The following TAFA4 variants were observed in gnomAD, a reference collection of about 807,000 sequenced individuals.
TAFA4 encodes TAFA chemokine like family member 4.
A neutral mutation model predicts 21.1 loss-of-function variants in TAFA4; 20 were observed. The observed-to-expected ratio is 0.95, with a 90% CI of 0.67 to 1.38. The LOEUF (loss-of-function observed/expected upper bound fraction) is 1.38, where lower values mean the gene tolerates loss of function less well. TAFA4 is among the 40% of genes most tolerant of loss of function. TAFA4 has a pLI of 0.00. For missense variants in TAFA4, 211 were observed against 180.9 expected, an observed-to-expected ratio of 1.17 and a Z score of -0.95; for synonymous variants, 71 against 67.4, an observed-to-expected ratio of 1.05 and a Z score of -0.26.
chr3:68,802,022 C>G (rs1273515006), intron 3 of TAFA4, among the ~76,000 whole-genome samples: 1 of 152,024 alleles, frequency 6.6e-6, no homozygotes, highest in Admixed American at 6.5e-5. Flanking sequence ...ATTTTTCTTC[C>G]AAGTAAATGC....
chr3:68,896,603 T>C (rs1411139858), intron 1 of TAFA4, among the ~76,000 whole-genome samples: 3 of 152,162 alleles, frequency 2.0e-5, no homozygotes, highest in Non-Finnish European at 4.4e-5. Flanking sequence ...AATACTGACA[T>C]AGATGGCCTC....
At chr3:68,843,561 A>G (rs1209502940) in intron 3 of TAFA4, among the ~76,000 whole-genome samples, 3 of 152,212 alleles carry the variant, frequency 2.0e-5, no homozygotes, top group African/African-American at 7.2e-5. Context: ...TATGTTGAAT[A>G]GGAGTGGTGA....
intron 1 of TAFA4, among the ~76,000 whole-genome samples, chr3:68,888,659 T>C (rs770272878): frequency 1.3e-5 from 2 of 152,266 alleles, no homozygotes; most frequent in African/African-American, 2.4e-5. Flanking sequence ...GGAAGTCTAA[T>C]ATCAAGGTGC....
chr3:68,777,482 A>C (rs1703069066), intron 3 of TAFA4, among the ~76,000 whole-genome samples: 1 of 152,152 alleles, frequency 6.6e-6, no homozygotes, highest in Non-Finnish European at 1.5e-5. Flanking sequence ...ATTTAACTGT[A>C]AATTAATTAA....
intron 1 of TAFA4, among the ~76,000 whole-genome samples, chr3:68,925,308 G>A (rs1023894393): frequency 6.6e-6 from 1 of 152,204 alleles, no homozygotes; most frequent in African/African-American, 2.4e-5. Context: ...AATCAGTTCT[G>A]AAGGCAGAGA....
In TAFA4 at chr3:68,921,353, A is replaced by AT. The variant is rs1313967578; in HGVS notation, c.-123+10886dup. On this transcript the variant is annotated intron_variant, in intron 1 of 5. Coordinates refer to ENST00000295569, the MANE Select transcript of TAFA4 (RefSeq NM_182522.5). ...CTCCAAAATATTTCACAAACTTCCAATTTTTTTAAACAAGTGAAGAAAAAA... is the reference window on the plus strand; with the variant it reads ...CTCCAAAATATTTCACAAACTTCCAATTTTTTTTAAACAAGTGAAGAAAAAA... 2.0e-5 allele frequency among the ~76,000 whole-genome samples: 3 copies of AT among 152,090 alleles called. No individual in the cohort carries two copies. The East Asian group carries it at 5.8e-4, about 29-fold the overall frequency.
intron 3 of TAFA4, among the ~76,000 whole-genome samples, chr3:68,804,557 A>G (rs1196189829): frequency 6.6e-6 from 1 of 152,234 alleles, no homozygotes; most frequent in Non-Finnish European, 1.5e-5. Context: ...AAACTATACT[A>G]CAAGGCTATA....
chr3:68,760,939 A>G (rs1228718146), intron 3 of TAFA4, among the ~76,000 whole-genome samples: 3 of 152,192 alleles, frequency 2.0e-5, no homozygotes, highest in Non-Finnish European at 4.4e-5. Flanking sequence ...GGTGGTGAGG[A>G]TAGGACAGTA....
chr3:68,840,556 C>T (rs1291490783), intron 3 of TAFA4, among the ~76,000 whole-genome samples: 1 of 152,082 alleles, frequency 6.6e-6, no homozygotes, highest in Admixed American at 6.5e-5. Context: ...AAGTAGTCTC[C>T]CTGAGAAATA....
At chr3:68,829,534 G>A (rs1206705744) in intron 3 of TAFA4, among the ~76,000 whole-genome samples, 2 of 152,208 alleles carry the variant, frequency 1.3e-5, no homozygotes, top group Non-Finnish European at 2.9e-5. Flanking sequence ...TCCCAGGGAT[G>A]AAGCCAACTT....
chr3:68,848,871 T>A (rs1283328163), intron 3 of TAFA4, among the ~76,000 whole-genome samples: 1 of 151,974 alleles, frequency 6.6e-6, no homozygotes, highest in East Asian at 1.9e-4. Flanking sequence ...TTCCACCTCA[T>A]CAGCTCACCC....
At chr3:68,851,282 TAAA>T (rs1704941556) in intron 3 of TAFA4, among the ~76,000 whole-genome samples, 1 of 152,034 alleles carries the variant, frequency 6.6e-6, no homozygotes, top group Admixed American at 6.6e-5. Context: ...AAGTGGGAGC[TAAA>T]CAATGAAATT....
At chr3:68,829,555 A>G (rs1704329471) in intron 3 of TAFA4, among the ~76,000 whole-genome samples, 1 of 152,186 alleles carries the variant, frequency 6.6e-6, no homozygotes, top group African/African-American at 2.4e-5. Flanking sequence ...GATCTGGTGG[A>G]TAAGTTTCTT....
rs534832007 is a variant in TAFA4 at position 68,917,025 on chromosome 3, T to C, written c.-123+15215A>G. ...CCAATTACTAAGGTAGGGGGAAGAA[T>C]AGATGTGACGTACGTAGCTAGCATC... On this transcript the variant is annotated intron_variant, in intron 1 of 5. Transcript: ENST00000295569. 4.4e-4 allele frequency among the ~76,000 whole-genome samples: 67 copies of C among 152,292 alleles called. 1 individual carries two copies. Among genetic ancestry groups the C allele is most frequent in the African/African-American group, 1.4e-3 (60 of 41,550 alleles).
chr3:68,760,840 G>A (rs766666341), intron 3 of TAFA4, among the ~76,000 whole-genome samples: 22 of 152,154 alleles, frequency 1.4e-4, no homozygotes, highest in Non-Finnish European at 2.9e-4. Context: ...TGTAGAAGAC[G>A]ATAGTAGCCA....
At chr3:68,827,543 A>G (rs1378445437) in intron 3 of TAFA4, among the ~76,000 whole-genome samples, 2 of 152,144 alleles carry the variant, frequency 1.3e-5, no homozygotes, top group Non-Finnish European at 2.9e-5. Context: ...CCTCTCCAGC[A>G]TCTGTTGTTT....
intron 4 of TAFA4, among the ~76,000 whole-genome samples, chr3:68,743,471 G>T (rs1009174098): frequency 6.6e-6 from 1 of 151,712 alleles, no homozygotes; most frequent in African/African-American, 2.4e-5. Context: ...AGCTACTCAG[G>T]AGGCTGAGGC....
intron 5 of TAFA4, among the ~76,000 whole-genome samples, chr3:68,734,384 G>C (rs552743288): frequency 6.2e-4 from 95 of 152,168 alleles, no homozygotes; most frequent in African/African-American, 2.2e-3. Context: ...ATGGAGAAAA[G>C]TAAGGTAGTA....
Position 68,732,072 on chromosome 3 carries a change from T to C in TAFA4, c.*1070A>G, listed in dbSNP as rs191628642. The C allele has an allele frequency of 6.5e-6, 1 of 152,726 alleles. No homozygotes were observed. The highest frequency in any genetic ancestry group is 6.5e-5 in the Admixed American group (1 of 15,274). The allele number at this position is 152,726 out of a possible 1,614,324, so 9.5% of individuals were successfully genotyped here. On this transcript the variant is annotated 3_prime_UTR_variant, in exon 6 of 6. Coordinates refer to ENST00000295569, the MANE Select transcript of TAFA4 (RefSeq NM_182522.5). ...TAAAATCTGGGTCAGTCATTCTTCA[T>C]CTGTTTCATACGTTTCCGCATGACA...
Sources: allele counts gnomAD v4.1 joint callset (sites outside exome capture counted in the v4.1 genomes callset), GRCh38; gene constraint gnomAD v4.1.1; transcripts MANE v1.5; gene names NCBI Gene and HGNC (gene_info 2026-07-23, HGNC 2026-07-21).